IFT56: variants seen among roughly 807,000 people sequenced by gnomAD.
IFT56 encodes the protein intraflagellar transport 56.
the IFT56 span, chr7:139,173,668 C>A: frequency 6.5e-6 from 5 of 773,954 alleles, no homozygotes; most frequent in Non-Finnish European, 1.2e-5. Context: ...AATGCACGTT[C>A]ATATTGGCAT....
At chr7:139,139,526 C>T in the IFT56 span, among the ~76,000 whole-genome samples, 1 of 151,880 alleles carries the variant, frequency 6.6e-6, no homozygotes, top group African/African-American at 2.4e-5. Context: ...TGTATTAAAG[C>T]CATCAGATTT....
At chr7:139,154,470 C>T in the IFT56 span, among the ~76,000 whole-genome samples, 4 of 150,908 alleles carry the variant, frequency 2.7e-5, no homozygotes, top group African/African-American at 7.3e-5. Flanking sequence ...GTTTTATAAT[C>T]TTAGCTTTTA....
the IFT56 span, chr7:139,173,715 C>T: frequency 7.8e-6 from 6 of 770,078 alleles, no homozygotes; most frequent in African/African-American, 8.5e-5. Context: ...CTCTCATTGG[C>T]TGAAAAGGCT....
the IFT56 span, among the ~76,000 whole-genome samples, chr7:139,152,424 A>T: frequency 6.6e-6 from 1 of 152,238 alleles, no homozygotes; most frequent in Admixed American, 6.5e-5. Context: ...ACTGTGCCCA[A>T]TCACTTCTGA....
chr7:139,152,877 A>C, the IFT56 span, among the ~76,000 whole-genome samples: 1 of 152,218 alleles, frequency 6.6e-6, no homozygotes, highest in African/African-American at 2.4e-5. Context: ...GGCCAGGCAC[A>C]GTGTCTCATG....
chr7:139,151,860 G>A, the IFT56 span, among the ~76,000 whole-genome samples: 7 of 152,060 alleles, frequency 4.6e-5, no homozygotes, highest in Admixed American at 2.0e-4. Flanking sequence ...TCAGGAGTTC[G>A]AGACCAGCCT....
At chr7:139,136,402 T>C in the IFT56 span, among the ~76,000 whole-genome samples, 14 of 152,300 alleles carry the variant, frequency 9.2e-5, no homozygotes, top group South Asian at 2.9e-3. Flanking sequence ...CTCTTTTTTC[T>C]CTAAGACAAT....
At chr7:139,163,080 C>A in the IFT56 span, among the ~76,000 whole-genome samples, 1 of 151,904 alleles carries the variant, frequency 6.6e-6, no homozygotes, top group Non-Finnish European at 1.5e-5. Context: ...TGCGGTGACT[C>A]ATGCCTGTAA....
the IFT56 span, chr7:139,134,805 G>A: frequency 6.2e-7 from 1 of 1,611,028 alleles, no homozygotes; most frequent in Non-Finnish European, 8.5e-7. Flanking sequence ...AATGCCCAAA[G>A]AACGTTGCTT....
At chr7:139,137,997 T>C in the IFT56 span, 1 of 1,037,738 alleles carries the variant, frequency 9.6e-7, no homozygotes, top group Non-Finnish European at 1.4e-6. Context: ...TTATTAAACT[T>C]TATATTATAA....
the IFT56 span, among the ~76,000 whole-genome samples, chr7:139,167,631 G>C: frequency 6.6e-6 from 1 of 151,950 alleles, no homozygotes. Flanking sequence ...TACTAGCAAA[G>C]AAAAGTTACT....
the IFT56 span, among the ~76,000 whole-genome samples, chr7:139,138,637 T>C: frequency 6.6e-6 from 1 of 152,176 alleles, no homozygotes; most frequent in African/African-American, 2.4e-5. Context: ...TGATAAAAAC[T>C]TTCATGAGTC....
At chr7:139,153,131 G>A in the IFT56 span, among the ~76,000 whole-genome samples, 2 of 146,990 alleles carry the variant, frequency 1.4e-5, no homozygotes, top group South Asian at 2.2e-4. Flanking sequence ...CCCGAGCAAC[G>A]GAGCAAGACT....
chr7:139,184,871 A>C, the IFT56 span, among the ~76,000 whole-genome samples: 10 of 151,174 alleles, frequency 6.6e-5, no homozygotes, highest in Admixed American at 6.6e-4. Flanking sequence ...TGGTTAACAC[A>C]GTGAAACCCC....
the IFT56 span, among the ~76,000 whole-genome samples, chr7:139,135,299 CA>C: frequency 1.0e-5 from 1 of 99,210 alleles, no homozygotes; most frequent in Admixed American, 1.2e-4. Flanking sequence ...AAAAAAAAAA[CA>C]AAACAAAACT....
At chr7:139,160,684 C>T in the IFT56 span, among the ~76,000 whole-genome samples, 1 of 152,174 alleles carries the variant, frequency 6.6e-6, no homozygotes, top group African/African-American at 2.4e-5. Flanking sequence ...GATCCGCCCG[C>T]CTTGGCCTCC....
chr7:139,156,170 A>G, the IFT56 span, among the ~76,000 whole-genome samples: 1 of 151,820 alleles, frequency 6.6e-6, no homozygotes, highest in East Asian at 1.9e-4. Context: ...AATCCTTTTT[A>G]TTTCTCTAAG....
At chr7:139,178,989 A>G in the IFT56 span, among the ~76,000 whole-genome samples, 1 of 152,246 alleles carries the variant, frequency 6.6e-6, no homozygotes, top group African/African-American at 2.4e-5. Context: ...AATATAACGT[A>G]TGTACAGAAA....
the IFT56 span, among the ~76,000 whole-genome samples, chr7:139,141,479 T>A: frequency 6.6e-6 from 1 of 152,184 alleles, no homozygotes; most frequent in African/African-American, 2.4e-5. Flanking sequence ...ACTAATGTAG[T>A]TTTTCCTAAT....
Sources: allele counts gnomAD v4.1 joint callset (sites outside exome capture counted in the v4.1 genomes callset), GRCh38; gene constraint gnomAD v4.1.1; transcripts MANE v1.5; gene names NCBI Gene and HGNC (gene_info 2026-07-23, HGNC 2026-07-21).